COL24A1: variants seen among roughly 807,000 people sequenced by gnomAD.
COL24A1 encodes the protein collagen type XXIV alpha 1 chain.
Under a neutral mutation model 253.9 loss-of-function variants are expected in COL24A1, and 224 were observed. The ratio of observed to expected loss-of-function variants is 0.88; its 90% CI spans 0.79 to 0.99. The LOEUF (loss-of-function observed/expected upper bound fraction) is 0.99. Ranked by LOEUF, COL24A1 falls within the 50% of genes least tolerant of loss-of-function variation. COL24A1 has a pLI of 0.00. For synonymous variants in COL24A1, 685 were observed against 673.7 expected (o/e 1.02, Z -0.26); for missense variants, 2,131 against 2,068.5 (o/e 1.03, Z -0.59).
At chr1:85,866,390 GAAT>G (rs1302192745) in intron 37 of COL24A1, among the ~76,000 whole-genome samples, 16 of 152,100 alleles carry the variant, frequency 1.1e-4, no homozygotes, top group Non-Finnish European at 1.8e-4. Context: ...GTAAAATAGG[GAAT>G]AATAACATCT....
chr1:86,063,712 T>G lies in COL24A1; in HGVS notation c.1752+3A>C. 1.3e-6 allele frequency: 2 copies of G among 1,546,930 alleles called. No individual in the cohort carries two copies. Among genetic ancestry groups the G allele is most frequent in the Non-Finnish European group, 1.7e-6 (2 of 1,143,808 alleles). On this transcript the variant is annotated splice_donor_region_variant and intron_variant, in intron 8 of 59. Coordinates refer to ENST00000370571, the MANE Select transcript of COL24A1 (RefSeq NM_152890.7). ...ATACAAGTCTTATAAAGGAAGTACC[T>G]ACTTGTTCACCTGGAAGTCCTGGGA...
intron 55 of COL24A1, among the ~76,000 whole-genome samples, chr1:85,757,120 T>C (rs1666349628): frequency 6.6e-6 from 1 of 152,194 alleles, no homozygotes; most frequent in Admixed American, 6.5e-5. Flanking sequence ...AAAAAAGTTC[T>C]AGGCATGGGT....
At chr1:85,895,455 C>A (rs1013079434) in intron 31 of COL24A1, among the ~76,000 whole-genome samples, 2 of 152,084 alleles carry the variant, frequency 1.3e-5, no homozygotes, top group East Asian at 3.8e-4. Context: ...ATATGTCACA[C>A]CATTTTATTT....
intron 20 of COL24A1, among the ~76,000 whole-genome samples, chr1:85,976,927 C>A (rs937694302): frequency 3.3e-5 from 5 of 152,210 alleles, no homozygotes; most frequent in South Asian, 2.1e-4. Context: ...AGAAAGCCAG[C>A]ACGTGAAACG....
At chr1:85,836,518 C>T (rs1676021436) in intron 43 of COL24A1, among the ~76,000 whole-genome samples, 1 of 152,162 alleles carries the variant, frequency 6.6e-6, no homozygotes, top group African/African-American at 2.4e-5. Flanking sequence ...TCACCTGAAG[C>T]TATAATAAGA....
At chr1:85,872,834 A>G (rs947147754) in intron 35 of COL24A1, among the ~76,000 whole-genome samples, 1 of 152,218 alleles carries the variant, frequency 6.6e-6, no homozygotes, top group Non-Finnish European at 1.5e-5. Flanking sequence ...CAAAATTGAC[A>G]AATGGGATCT....
intron 19 of COL24A1, among the ~76,000 whole-genome samples, chr1:86,016,252 C>T (rs1049704876): frequency 3.9e-5 from 6 of 151,984 alleles, no homozygotes; most frequent in African/African-American, 1.5e-4. Flanking sequence ...AGAAATCAGC[C>T]AACCTTGAAG....
chr1:86,058,092 C>T, intron 9 of COL24A1, 117 bp from the exon 10 acceptor site: 1 of 658,678 alleles, frequency 1.5e-6, no homozygotes, highest in South Asian at 2.6e-5. Context: ...GAATTCAGAA[C>T]TCTGTATAAC....
chr1:86,080,824 TAAATA>T (rs1702583078), intron 7 of COL24A1, among the ~76,000 whole-genome samples: 2 of 152,066 alleles, frequency 1.3e-5, no homozygotes, highest in Non-Finnish European at 2.9e-5. Context: ...TTTGAATATA[TAAATA>T]AAATGTTTAA....
intron 19 of COL24A1, among the ~76,000 whole-genome samples, chr1:86,004,385 T>C (rs980256176): frequency 2.0e-5 from 3 of 152,040 alleles, no homozygotes; most frequent in Non-Finnish European, 2.9e-5. Flanking sequence ...CCTCTTTACA[T>C]TGAAGGAGGG....
chr1:86,093,901 C>T (rs11161733), intron 5 of COL24A1, among the ~76,000 whole-genome samples: 56,357 of 151,910 alleles, frequency 0.37, 10,611 homozygotes, highest in Admixed American at 0.46. Flanking sequence ...CTCAACATTA[C>T]TGATCATTAG....
At chr1:85,863,241 A>G (rs1373248433) in intron 37 of COL24A1, among the ~76,000 whole-genome samples, 1 of 152,190 alleles carries the variant, frequency 6.6e-6, no homozygotes, top group African/African-American at 2.4e-5. Context: ...TTTTCTAAAT[A>G]TACAATCATG....
chr1:85,829,711 G>A (rs987102871), intron 43 of COL24A1, among the ~76,000 whole-genome samples: 7 of 151,824 alleles, frequency 4.6e-5, no homozygotes, highest in South Asian at 2.1e-4. Context: ...CCAGTTGATC[G>A]CATGGCCTCC....
chr1:85,896,266 T>G (rs1683705652), intron 29 of COL24A1, 90 bp downstream of exon 29: 1 of 1,330,568 alleles, frequency 7.5e-7, no homozygotes, highest in African/African-American at 1.5e-5. Context: ...ACCATACTTT[T>G]GTAGGGAAAT....
rs1004570736 is a variant in COL24A1 at position 86,120,425 on chromosome 1, T to G, written c.1491+4420A>C. Among the ~76,000 whole-genome samples the G allele has an allele frequency of 1.3e-4, 20 of 152,014 alleles. 2 individuals are homozygous for G. The highest frequency in any genetic ancestry group is 5.2e-4 in the Admixed American group (8 of 15,248). On this transcript the variant is annotated intron_variant, in intron 3 of 59. Transcript: ENST00000370571. Reference sequence around the variant, plus strand: ...AGGGCTAATATCCAGAATCTACAAATAACTTAAACACATTTACAAGAAAAA... The same window carrying G: ...AGGGCTAATATCCAGAATCTACAAAGAACTTAAACACATTTACAAGAAAAA...
intron 24 of COL24A1, among the ~76,000 whole-genome samples, chr1:85,960,565 T>C (rs1477946654): frequency 1.3e-5 from 2 of 152,096 alleles, no homozygotes; most frequent in African/African-American, 2.4e-5. Context: ...TATTAAATTA[T>C]TGTATAATTT....
chr1:85,825,450 G>A (rs1674185097), intron 43 of COL24A1, among the ~76,000 whole-genome samples: 1 of 152,160 alleles, frequency 6.6e-6, no homozygotes, highest in South Asian at 2.1e-4. Context: ...GTAATGGGAT[G>A]GCTGGGTCAA....
At chr1:85,924,987 A>T (rs933264575) in intron 24 of COL24A1, among the ~76,000 whole-genome samples, 4 of 152,248 alleles carry the variant, frequency 2.6e-5, no homozygotes, top group Admixed American at 1.3e-4. Flanking sequence ...TAGGATACAA[A>T]ATCAATGTGC....
intron 32 of COL24A1, among the ~76,000 whole-genome samples, chr1:85,886,542 G>A (rs1558532169): frequency 6.6e-6 from 1 of 151,810 alleles, no homozygotes; most frequent in Non-Finnish European, 1.5e-5. Flanking sequence ...GCATGCACCT[G>A]TAGTCCCAGC....
Sources: allele counts gnomAD v4.1 joint callset (sites outside exome capture counted in the v4.1 genomes callset), GRCh38; gene constraint gnomAD v4.1.1; transcripts MANE v1.5; gene names NCBI Gene and HGNC (gene_info 2026-07-23, HGNC 2026-07-21).